The following SLC35D4 variants were observed in gnomAD, a reference collection of about 807,000 sequenced individuals.
The protein encoded by SLC35D4 is solute carrier family 35 member D4.
At chr18:23,364,158 T>TA in the SLC35D4 span, among the ~76,000 whole-genome samples, 7 of 152,328 alleles carry the variant, frequency 4.6e-5, no homozygotes, top group East Asian at 1.3e-3. Context: ...AGAAAGCTGT[T>TA]ACTGCTTTAA....
chr18:23,327,530 A>ACG, the SLC35D4 span, among the ~76,000 whole-genome samples: 1 of 152,192 alleles, frequency 6.6e-6, no homozygotes, highest in Non-Finnish European at 1.5e-5. Context: ...TAGACCAATA[A>ACG]CAGGCTCTGA....
At chr18:23,433,895 A>C in the SLC35D4 span, among the ~76,000 whole-genome samples, 1 of 152,196 alleles carries the variant, frequency 6.6e-6, no homozygotes, top group Non-Finnish European at 1.5e-5. Context: ...AATTCAAAAG[A>C]AAATTAATGT....
the SLC35D4 span, among the ~76,000 whole-genome samples, chr18:23,360,963 G>A: frequency 2.0e-5 from 3 of 151,758 alleles, no homozygotes; most frequent in Non-Finnish European, 4.4e-5. Flanking sequence ...TTAGCTGGGC[G>A]TGGTGGCGGG....
At chr18:23,405,011 A>C in the SLC35D4 span, among the ~76,000 whole-genome samples, 5 of 149,998 alleles carry the variant, frequency 3.3e-5, no homozygotes, top group Middle Eastern at 3.2e-3. Flanking sequence ...AAAAAAAAAA[A>C]AAAAAAAAAA....
the SLC35D4 span, among the ~76,000 whole-genome samples, chr18:23,349,015 T>C: frequency 6.6e-6 from 1 of 152,240 alleles, no homozygotes; most frequent in East Asian, 1.9e-4. Flanking sequence ...TGGCCTCCAC[T>C]GTTTGTGATG....
the SLC35D4 span, among the ~76,000 whole-genome samples, chr18:23,429,314 G>C: frequency 6.6e-6 from 1 of 152,140 alleles, no homozygotes; most frequent in South Asian, 2.1e-4. Context: ...CCTACCAACA[G>C]TGTATAAACG....
At chr18:23,298,169 A>T in the SLC35D4 span, 11 of 1,333,260 alleles carry the variant, frequency 8.3e-6, no homozygotes, top group Admixed American at 1.8e-4. Flanking sequence ...TCATCCTGCA[A>T]CTGAGACTCA....
At chr18:23,260,973 GACCCAGGCCA>G in the SLC35D4 span, among the ~76,000 whole-genome samples, 3 of 152,156 alleles carry the variant, frequency 2.0e-5, no homozygotes, top group African/African-American at 7.2e-5. Flanking sequence ...CAGCGGAAGG[GACCCAGGCCA>G]GGATGGGAAG....
At chr18:23,416,059 A>G in the SLC35D4 span, among the ~76,000 whole-genome samples, 1 of 152,198 alleles carries the variant, frequency 6.6e-6, no homozygotes, top group East Asian at 1.9e-4. Context: ...AATACAAAAA[A>G]AATTAACTGG....
chr18:23,436,368 A>G, the SLC35D4 span, among the ~76,000 whole-genome samples: 27 of 152,182 alleles, frequency 1.8e-4, no homozygotes, highest in Non-Finnish European at 3.8e-4. Context: ...CCCATCTTAA[A>G]GTTAAGAAAC....
chr18:23,286,241 C>T, the SLC35D4 span, among the ~76,000 whole-genome samples: 978 of 152,294 alleles, frequency 6.4e-3, 11 homozygotes, highest in African/African-American at 0.022. Context: ...ATCTCCAGCA[C>T]ACAAGAACTT....
At chr18:23,398,165 G>A in the SLC35D4 span, among the ~76,000 whole-genome samples, 1 of 152,186 alleles carries the variant, frequency 6.6e-6, no homozygotes, top group Non-Finnish European at 1.5e-5. Context: ...TCTGTCAAGT[G>A]GTTAGCAGCT....
chr18:23,358,913 CA>C, the SLC35D4 span, among the ~76,000 whole-genome samples: 1 of 152,162 alleles, frequency 6.6e-6, no homozygotes, highest in South Asian at 2.1e-4. Context: ...GGGTGCACGG[CA>C]ACCCAGGAAC....
the SLC35D4 span, among the ~76,000 whole-genome samples, chr18:23,405,322 G>C: frequency 2.0e-5 from 3 of 152,108 alleles, no homozygotes; most frequent in Admixed American, 6.5e-5. Flanking sequence ...CGAGTAGCTG[G>C]GGTTACAGGT....
the SLC35D4 span, among the ~76,000 whole-genome samples, chr18:23,319,659 A>C: frequency 2.0e-5 from 3 of 152,046 alleles, no homozygotes; most frequent in East Asian, 5.8e-4. Context: ...GGCTGGTCTC[A>C]AACTCCTGAC....
the SLC35D4 span, among the ~76,000 whole-genome samples, chr18:23,335,635 T>C: frequency 6.6e-6 from 1 of 152,202 alleles, no homozygotes; most frequent in Admixed American, 6.5e-5. Flanking sequence ...ACGAGATATA[T>C]GCAGAATTCC....
At chr18:23,252,630 C>T in the SLC35D4 span, among the ~76,000 whole-genome samples, 11 of 152,322 alleles carry the variant, frequency 7.2e-5, no homozygotes, top group East Asian at 3.9e-4. Context: ...CCAAGCCCCA[C>T]GCGCTTAAGC....
chr18:23,277,654 T>C, the SLC35D4 span, among the ~76,000 whole-genome samples: 2 of 152,300 alleles, frequency 1.3e-5, no homozygotes, highest in Non-Finnish European at 1.5e-5. Flanking sequence ...TATTCAAGAC[T>C]ACTGCAATAG....
the SLC35D4 span, among the ~76,000 whole-genome samples, chr18:23,262,385 G>A: frequency 6.6e-6 from 1 of 152,238 alleles, no homozygotes; most frequent in Admixed American, 6.5e-5. Context: ...TACAGCGTTA[G>A]GATGGTGGCA....
Sources: allele counts gnomAD v4.1 joint callset (sites outside exome capture counted in the v4.1 genomes callset), GRCh38; gene constraint gnomAD v4.1.1; transcripts MANE v1.5; gene names NCBI Gene and HGNC (gene_info 2026-07-23, HGNC 2026-07-21).